TAFA1: variants seen among roughly 807,000 people sequenced by gnomAD.
TAFA1 encodes the protein chemokine-like protein TAFA-1.
Under a neutral mutation model 18.5 loss-of-function variants are expected in TAFA1, and 4 were observed. The ratio of observed to expected loss-of-function variants is 0.22; its 90% confidence interval spans 0.11 to 0.49. TAFA1 has a LOEUF of 0.49. Among genes scored for constraint, TAFA1 ranks in the 20% least tolerant of loss-of-function variants. The pLI, the probability that TAFA1 is intolerant of heterozygous loss-of-function variation, is 0.98. For synonymous variants in TAFA1, 56 were observed against 55.2 expected (o/e 1.01, Z -0.06); for missense variants, 147 against 169.0 (o/e 0.87, Z 0.72).
chr3:68,449,852 A>C (rs1373162615), intron 3 of TAFA1, among the ~76,000 whole-genome samples: 1 of 152,202 alleles, frequency 6.6e-6, no homozygotes, highest in African/African-American at 2.4e-5. Context: ...AAAGTGGGAA[A>C]GTGAATAAAC....
At chr3:68,107,843 ATGT>A (rs2065220311) in intron 2 of TAFA1, among the ~76,000 whole-genome samples, 2 of 152,092 alleles carry the variant, frequency 1.3e-5, no homozygotes, top group South Asian at 4.1e-4. Flanking sequence ...ACATAATTTA[ATGT>A]CTATTCCAAT....
chr3:68,187,137 A>G (rs1466146979), intron 2 of TAFA1, among the ~76,000 whole-genome samples: 1 of 152,028 alleles, frequency 6.6e-6, no homozygotes, highest in Non-Finnish European at 1.5e-5. Context: ...TTTGGTGTGG[A>G]TTAAAAAATA....
intron 2 of TAFA1, among the ~76,000 whole-genome samples, chr3:68,019,552 G>A (rs970091383): frequency 1.3e-5 from 2 of 152,114 alleles, no homozygotes; most frequent in African/African-American, 4.8e-5. Context: ...ATCATGTTGA[G>A]ACTTTATAAA....
intron 2 of TAFA1, among the ~76,000 whole-genome samples, chr3:68,040,478 T>C (rs991249848): frequency 2.0e-5 from 3 of 152,184 alleles, no homozygotes; most frequent in Admixed American, 1.3e-4. Context: ...AGCTCTAATG[T>C]AAACTCTGTG....
chr3:68,479,808 G>T (rs762561753), intron 3 of TAFA1, among the ~76,000 whole-genome samples: 1 of 151,912 alleles, frequency 6.6e-6, no homozygotes, highest in African/African-American at 2.4e-5. Flanking sequence ...AGTAATGGAT[G>T]GTTCATAGGC....
intron 2 of TAFA1, among the ~76,000 whole-genome samples, chr3:68,009,598 G>A (rs1252611561): frequency 6.6e-6 from 1 of 152,128 alleles, no homozygotes; most frequent in Non-Finnish European, 1.5e-5. Flanking sequence ...CCTAGATGCA[G>A]AATGATTAAA....
chr3:68,193,514 T>C (rs2066374521), intron 2 of TAFA1, among the ~76,000 whole-genome samples: 1 of 151,790 alleles, frequency 6.6e-6, no homozygotes, highest in African/African-American at 2.4e-5. Flanking sequence ...CATGTATTGA[T>C]ACTCAATAGT....
chr3:68,345,791 A>T (rs1448610148), intron 2 of TAFA1, among the ~76,000 whole-genome samples: 1 of 152,226 alleles, frequency 6.6e-6, no homozygotes, highest in East Asian at 1.9e-4. Context: ...GAGGTATCCC[A>T]TTGAGAATTT....
chr3:68,359,358 A>G (rs2069428244), intron 2 of TAFA1, among the ~76,000 whole-genome samples: 1 of 152,062 alleles, frequency 6.6e-6, no homozygotes, highest in South Asian at 2.1e-4. Flanking sequence ...ACAAGGCAAA[A>G]GGAAAATTAA....
At chr3:68,075,697 C>CA (rs1559727491) in intron 2 of TAFA1, among the ~76,000 whole-genome samples, 4,414 of 138,132 alleles carry the variant, frequency 0.032, 230 homozygotes, top group African/African-American at 0.11. Flanking sequence ...TTCTTCTTTC[C>CA]CTTTTTTTTT....
chr3:68,259,750 G>T (rs1255432314), intron 2 of TAFA1, among the ~76,000 whole-genome samples: 3 of 151,614 alleles, frequency 2.0e-5, no homozygotes, highest in Non-Finnish European at 3.0e-5. Context: ...TCTGTTATTG[G>T]TGTATAAGAA....
chr3:68,505,173 G>A (rs1228187725), intron 3 of TAFA1, among the ~76,000 whole-genome samples: 8 of 152,126 alleles, frequency 5.3e-5, no homozygotes, highest in African/African-American at 1.4e-4. Flanking sequence ...ATAATAATAA[G>A]TAACTGTGGA....
chr3:68,500,711 A>AT (rs1422179765), intron 3 of TAFA1, among the ~76,000 whole-genome samples: 1 of 151,218 alleles, frequency 6.6e-6, no homozygotes, highest in Admixed American at 6.6e-5. Flanking sequence ...TTTATGGAAA[A>AT]AAAAAAGTTT....
intron 3 of TAFA1, among the ~76,000 whole-genome samples, chr3:68,505,709 C>T (rs959338790): frequency 6.6e-6 from 1 of 152,038 alleles, no homozygotes; most frequent in Non-Finnish European, 1.5e-5. Context: ...TGCTCAACAT[C>T]CTAGAAGCTA....
chr3:68,300,126 C>G (rs1199558320), intron 2 of TAFA1, among the ~76,000 whole-genome samples: 2 of 152,170 alleles, frequency 1.3e-5, no homozygotes, highest in African/African-American at 4.8e-5. Context: ...ATAGCTTACA[C>G]CATGCACCTG....
chr3:68,089,009 G>A (rs999864757), intron 2 of TAFA1, among the ~76,000 whole-genome samples: 2 of 152,270 alleles, frequency 1.3e-5, no homozygotes, highest in Admixed American at 1.3e-4. Context: ...GTTATATGGT[G>A]GCTGCCATTC....
At chr3:68,050,746 C>T (rs2064460508) in intron 2 of TAFA1, among the ~76,000 whole-genome samples, 1 of 152,132 alleles carries the variant, frequency 6.6e-6, no homozygotes, top group African/African-American at 2.4e-5. Context: ...CTGTAAAAGT[C>T]CAGAGAATAA....
chr3:68,527,703 T>C (rs930292521), intron 3 of TAFA1, among the ~76,000 whole-genome samples: 1 of 152,262 alleles, frequency 6.6e-6, no homozygotes, highest in Non-Finnish European at 1.5e-5. Flanking sequence ...AGAGACTGTA[T>C]GCTGCTTTAG....
intron 3 of TAFA1, among the ~76,000 whole-genome samples, chr3:68,518,049 C>A (rs1428833857): frequency 6.6e-6 from 1 of 152,194 alleles, no homozygotes; most frequent in Non-Finnish European, 1.5e-5. Flanking sequence ...AGCATTACTT[C>A]CACTGAGATT....
Sources: allele counts gnomAD v4.1 joint callset (sites outside exome capture counted in the v4.1 genomes callset), GRCh38; gene constraint gnomAD v4.1.1; transcripts MANE v1.5; gene names NCBI Gene and HGNC (gene_info 2026-07-23, HGNC 2026-07-21).